The following TEX15 variants were observed in gnomAD, a reference collection of about 807,000 sequenced individuals.
The protein encoded by TEX15 is testis expressed 15, meiosis and synapsis associated, also known as testis-expressed protein 15.
Under a neutral mutation model 237.3 loss-of-function variants are expected in TEX15, and 171 were observed. That is an observed-to-expected ratio of 0.72 (90% CI 0.64 to 0.82). TEX15 has a LOEUF of 0.82. Among genes scored for constraint, TEX15 ranks in the 40% least tolerant of loss-of-function variants. The pLI, the probability that TEX15 is intolerant of heterozygous loss-of-function variation, is 0.00. For missense variants in TEX15, 3,750 were observed against 3,646.5 expected, an observed-to-expected ratio of 1.03 and a Z score of -0.73; for synonymous variants, 1,338 against 1,269.8, an observed-to-expected ratio of 1.05 and a Z score of -1.14.
chr8:30,906,809 T>A (rs574152421), intron 1 of TEX15, among the ~76,000 whole-genome samples: 1 of 152,218 alleles, frequency 6.6e-6, no homozygotes, highest in Non-Finnish European at 1.5e-5. Flanking sequence ...CGTATGAAAA[T>A]TTTCCATTTT....
At position 30,847,896 on chromosome 8, in the gene TEX15, A is replaced by G; in HGVS notation, c.2271T>C (p.Tyr757=). ...ELKLGKINQN[Y]ASIITEAFPK... ...GGAAAGCTTCAGTTATAATGCTAGCATAATTTTGATTTATTTTCCCCAATT... is the reference window on the plus strand; with the variant it reads ...GGAAAGCTTCAGTTATAATGCTAGCGTAATTTTGATTTATTTTCCCCAATT... Residue 757 remains tyrosine (Y), a synonymous_variant, in exon 8 of 11, where the codon TAT becomes TAC. Transcript: ENST00000643185. 1 of 1,613,916 alleles carries G rather than the reference A, an allele frequency of 6.2e-7. No individual in the cohort carries two copies. The highest frequency in any genetic ancestry group is 8.5e-7 in the Non-Finnish European group (1 of 1,179,932).
chr8:30,895,442 G>GC (rs779320637), intron 2 of TEX15, among the ~76,000 whole-genome samples: 11 of 151,958 alleles, frequency 7.2e-5, no homozygotes, highest in Non-Finnish European at 1.5e-4. Context: ...GTCAGAGGAT[G>GC]CCCCTAAGAG....
chr8:30,837,161 G>C lies in TEX15; in HGVS notation c.9123C>G (p.Tyr3041Ter). 5.0e-6 allele frequency: 8 copies of C among 1,614,038 alleles called. No individual in the cohort carries two copies. The highest frequency in any genetic ancestry group is 6.8e-6 in the Non-Finnish European group (8 of 1,179,928). Residue 3041 changes from tyrosine to a stop codon, truncating the protein, a stop_gained, in exon 10 of 11, where the codon TAC becomes TAG. Transcript: ENST00000643185. LOFTEE classifies it high-confidence loss of function. Reference sequence around the variant, plus strand: ...TGTACTGATAAACACACCAAGCAGAGTATGGATATGAAGTTCCAAATAAAT... The same window carrying C: ...TGTACTGATAAACACACCAAGCAGACTATGGATATGAAGTTCCAAATAAAT... ...SEHLFGTSYP[Y>*]SAWCVYQYSN...
chr8:30,855,075 T>C (rs1385336043), intron 7 of TEX15, among the ~76,000 whole-genome samples: 1 of 152,154 alleles, frequency 6.6e-6, no homozygotes, highest in Admixed American at 6.5e-5. Context: ...CAAAGATGTC[T>C]GCTCTTGCCA....
rs572962336 is a variant in TEX15 at position 30,832,587 on chromosome 8, A to G, written c.*699T>C. 3.0e-4 allele frequency: 46 copies of G among 152,366 alleles called. No homozygotes were observed. The highest frequency in any genetic ancestry group is 3.4e-3 in the Middle Eastern group (1 of 294). 9.4% of individuals were successfully genotyped at this position (152,366 alleles called of 1,614,324 possible). ...AATTACTGTAATAAAGACTAACTGC[A>G]TAAGCATAAACATTATTCTCTATTA... On this transcript the variant is annotated 3_prime_UTR_variant, in exon 11 of 11. Coordinates refer to ENST00000643185, the MANE Select transcript of TEX15 (RefSeq NM_001350162.2).
chr8:30,909,683 T>A (rs980151084), intron 1 of TEX15, among the ~76,000 whole-genome samples: 1 of 152,196 alleles, frequency 6.6e-6, no homozygotes, highest in African/African-American at 2.4e-5. Flanking sequence ...CTTGCCCTAC[T>A]ACTTGACTAA....
Position 30,842,661 on chromosome 8 carries a change from T to G in TEX15, c.7506A>C (p.Ser2502=). The change falls in exon 8 of 11, where the codon TCA becomes TCC. Residue 2502 remains serine (S), a synonymous_variant. Transcript: ENST00000643185. ...MASFSFLKDN[S]TDVCLWKVIE... ...TCACTTTCCAAAGGCAAACATCTGT[T>G]GAGTTATCTTTAAGAAATGAAAAAG... The G allele has an allele frequency of 6.2e-7, 1 of 1,612,196 alleles. No homozygotes were observed. The highest frequency in any genetic ancestry group is 8.5e-7 in the Non-Finnish European group (1 of 1,179,536).
In TEX15 at chr8:30,844,369, TCTTTA is replaced by T; in HGVS notation, c.5793_5797del (p.Ser1931ArgfsTer5). On this transcript the variant is annotated frameshift_variant, in exon 8 of 11. Transcript: ENST00000643185. LOFTEE classifies it high-confidence loss of function. Reference sequence around the variant, plus strand: ...ATGTAATGTCAAGTCAGACTGCGAGTCTTTACTAACTTTAATTTCCCCCTTCTTCT... The same window carrying T: ...ATGTAATGTCAAGTCAGACTGCGAGTCTAACTTTAATTTCCCCCTTCTTCT... The T allele has an allele frequency of 6.2e-7, 1 of 1,610,436 alleles. No individual in the cohort carries two copies. The highest frequency in any genetic ancestry group is 8.5e-7 in the Non-Finnish European group (1 of 1,178,680).
chr8:30,847,756 A>G lies in TEX15; in HGVS notation c.2411T>C (p.Ile804Thr), dbSNP rs764797903. 30 of 1,613,594 alleles carry G rather than the reference A, an allele frequency of 1.9e-5. No individual in the cohort carries two copies. Among genetic ancestry groups the G allele is most frequent in the South Asian group, 6.6e-5 (6 of 91,078 alleles). The change falls in exon 8 of 11, where the codon ATA (isoleucine) becomes ACA (threonine). Residue 804 changes from isoleucine to threonine, a missense_variant. Coordinates refer to ENST00000643185, the MANE Select transcript of TEX15 (RefSeq NM_001350162.2). ...SSNCSITREH[I>T]CVHRKNENEP... ...ATTTTCATTTTTCCTATGGACACATATATGTTCTCTAGTTATGCTGCAATT... is the reference window on the plus strand; with the variant it reads ...ATTTTCATTTTTCCTATGGACACATGTATGTTCTCTAGTTATGCTGCAATT...
intron 2 of TEX15, among the ~76,000 whole-genome samples, chr8:30,888,118 T>C (rs143125634): frequency 8.6e-4 from 130 of 151,892 alleles, no homozygotes; most frequent in African/African-American, 3.0e-3. Context: ...TCTCTCTGTG[T>C]TGCCCAGGCT....
At chr8:30,867,762 C>T (rs1002661951) in intron 4 of TEX15, among the ~76,000 whole-genome samples, 5 of 152,072 alleles carry the variant, frequency 3.3e-5, no homozygotes, top group African/African-American at 9.7e-5. Flanking sequence ...GCTAATGTAA[C>T]CAGTACAAGT....
At chr8:30,911,976 C>T (rs990133350) in intron 1 of TEX15, among the ~76,000 whole-genome samples, 6 of 152,322 alleles carry the variant, frequency 3.9e-5, no homozygotes, top group Admixed American at 2.6e-4. Context: ...AGCCAAGAGC[C>T]ACCAGGGCGA....
intron 10 of TEX15, among the ~76,000 whole-genome samples, chr8:30,836,150 A>T (rs868710929): frequency 1.3e-5 from 2 of 151,906 alleles, no homozygotes; most frequent in Non-Finnish European, 2.9e-5. Context: ...ATATAGTTTT[A>T]AAAAAGTCAG....
chr8:30,843,393 T>G lies in TEX15; in HGVS notation c.6774A>C (p.Val2258=). The G allele has an allele frequency of 6.2e-7, 1 of 1,613,076 alleles. No individual in the cohort carries two copies. The highest frequency in any genetic ancestry group is 1.1e-5 in the South Asian group (1 of 91,030). ...GACCATAAAGAGATATTTTAACACGTACTGCCTCGTTGTTCTTAATAAAAT... is the reference window on the plus strand; with the variant it reads ...GACCATAAAGAGATATTTTAACACGGACTGCCTCGTTGTTCTTAATAAAAT... ...KVNFIKNNEA[V]RVKISLYGLE... The change falls in exon 8 of 11, where the codon GTA becomes GTC. Residue 2258 remains valine (V), a synonymous_variant. Coordinates refer to ENST00000643185, the MANE Select transcript of TEX15 (RefSeq NM_001350162.2).
At chr8:30,872,581 T>C (rs746722148) in intron 4 of TEX15, among the ~76,000 whole-genome samples, 4 of 152,038 alleles carry the variant, frequency 2.6e-5, no homozygotes, top group Non-Finnish European at 5.9e-5. Flanking sequence ...GAAGAAGGCA[T>C]TGTTATCATA....
At chr8:30,911,123 T>C (rs1809207060) in intron 1 of TEX15, among the ~76,000 whole-genome samples, 1 of 152,172 alleles carries the variant, frequency 6.6e-6, no homozygotes, top group Admixed American at 6.5e-5. Context: ...TGTACCACTT[T>C]ATTTTTATTT....
chr8:30,899,467 T>A (rs1438759762), intron 1 of TEX15, among the ~76,000 whole-genome samples: 2 of 152,136 alleles, frequency 1.3e-5, no homozygotes, highest in South Asian at 4.1e-4. Flanking sequence ...TGTGAGACAG[T>A]CTCACTCACT....
rs1808196353 is a variant in TEX15 at position 30,867,402 on chromosome 8, C to T, written c.403G>A (p.Gly135Arg). The T allele has an allele frequency of 6.5e-7, 1 of 1,534,014 alleles. No individual in the cohort carries two copies. The highest frequency in any genetic ancestry group is 8.7e-7 in the Non-Finnish European group (1 of 1,145,422). ...QSDVAQIYQNGISTRASTLKI... is the reference protein window; with the variant it reads ...QSDVAQIYQNRISTRASTLKI... ...AATGTAGATGCTCTGGTACTTATTC[C>T]ATTCTGATATATCTGGGCTACATCA... The change falls in exon 5 of 11, where the codon GGA (glycine) becomes AGA (arginine). Residue 135 changes from glycine to arginine, a missense_variant. Gly to Arg is a moderately radical substitution (Grantham distance 125, BLOSUM62 -2). Transcript: ENST00000643185.
intron 7 of TEX15, among the ~76,000 whole-genome samples, chr8:30,852,916 T>C (rs1006518819): frequency 6.6e-6 from 1 of 152,160 alleles, no homozygotes; most frequent in African/African-American, 2.4e-5. Flanking sequence ...GACTGACAAA[T>C]TGAATTTATA....
Sources: allele counts gnomAD v4.1 joint callset (sites outside exome capture counted in the v4.1 genomes callset), GRCh38; gene constraint gnomAD v4.1.1; transcripts MANE v1.5; gene names NCBI Gene and HGNC (gene_info 2026-07-23, HGNC 2026-07-21).